CWC27: variants seen among roughly 807,000 people sequenced by gnomAD.
CWC27 encodes the protein CWC27 spliceosome associated cyclophilin, also known as spliceosome-associated protein CWC27 homolog.
In CWC27, 47 loss-of-function variants were observed where a neutral mutation model predicts 63.6. That is an observed-to-expected ratio of 0.74 (90% CI 0.58 to 0.94). The LOEUF is 0.94. Among genes scored for constraint, CWC27 ranks in the 40% least tolerant of loss-of-function variants. CWC27 has a pLI of 0.00. For synonymous variants in CWC27, 175 were observed against 179.8 expected, an observed-to-expected ratio of 0.97 and a Z score of 0.22; for missense variants, 495 against 554.3, an observed-to-expected ratio of 0.89 and a Z score of 1.07.
At chr5:64,780,670 A>G (rs1743645147) in intron 2 of CWC27, among the ~76,000 whole-genome samples, 1 of 133,876 alleles carries the variant, frequency 7.5e-6, no homozygotes, top group Admixed American at 8.2e-5. Context: ...AAACATATAT[A>G]TCACTTGTAT....
chr5:64,785,805 T>C (rs562706171), intron 5 of CWC27, among the ~76,000 whole-genome samples: 6 of 152,280 alleles, frequency 3.9e-5, no homozygotes, highest in African/African-American at 1.4e-4. Flanking sequence ...CTGAAAAGCT[T>C]ACCTCATAAT....
intron 10 of CWC27, among the ~76,000 whole-genome samples, chr5:64,829,621 C>A (rs1293751333): frequency 6.7e-6 from 1 of 149,656 alleles, no homozygotes; most frequent in African/African-American, 2.5e-5. Flanking sequence ...GAAGGAAAAT[C>A]ACTTTAATAC....
At chr5:64,940,541 C>T (rs570045477) in intron 11 of CWC27, among the ~76,000 whole-genome samples, 1 of 152,252 alleles carries the variant, frequency 6.6e-6, no homozygotes, top group South Asian at 2.1e-4. Context: ...AGCTGCAGAC[C>T]AGAGCTGTTC....
intron 10 of CWC27, among the ~76,000 whole-genome samples, chr5:64,849,268 A>G (rs2112294181): frequency 6.6e-6 from 1 of 152,268 alleles, no homozygotes; most frequent in Non-Finnish European, 1.5e-5. Context: ...GAATAAATTT[A>G]ACTATGAAGG....
At chr5:64,912,965 T>C (rs895341913) in intron 11 of CWC27, among the ~76,000 whole-genome samples, 1 of 152,132 alleles carries the variant, frequency 6.6e-6, no homozygotes, top group Non-Finnish European at 1.5e-5. Flanking sequence ...GGTAAAGATA[T>C]ATGAGAAAAT....
At chr5:64,779,420 C>T (rs932099059) in intron 2 of CWC27, among the ~76,000 whole-genome samples, 2 of 152,160 alleles carry the variant, frequency 1.3e-5, no homozygotes, top group Non-Finnish European at 2.9e-5. Flanking sequence ...GTACTTCATA[C>T]TACATATGTT....
intron 13 of CWC27, among the ~76,000 whole-genome samples, chr5:64,991,080 G>T (rs1749528653): frequency 6.6e-6 from 1 of 152,176 alleles, no homozygotes; most frequent in Non-Finnish European, 1.5e-5. Context: ...AAGGAAGAAG[G>T]TTTCTGCTTA....
intron 13 of CWC27, among the ~76,000 whole-genome samples, chr5:65,013,776 G>A (rs1461726064): frequency 6.6e-6 from 1 of 152,198 alleles, no homozygotes; most frequent in South Asian, 2.1e-4. Flanking sequence ...AAGTTCCTAA[G>A]TTAGGGTGGC....
intron 11 of CWC27, among the ~76,000 whole-genome samples, chr5:64,961,444 C>T (rs1012113977): frequency 1.3e-5 from 2 of 151,944 alleles, no homozygotes; most frequent in African/African-American, 2.4e-5. Context: ...TCATACATAA[C>T]TAATATATTT....
chr5:64,972,727 G>A (rs543625964), intron 12 of CWC27: 1 of 445,844 alleles, frequency 2.2e-6, no homozygotes, highest in South Asian at 1.6e-5. Context: ...TACTACCAGA[G>A]ATACTAAGGA....
intron 10 of CWC27, among the ~76,000 whole-genome samples, chr5:64,812,842 T>C (rs934706564): frequency 6.6e-6 from 1 of 152,118 alleles, no homozygotes; most frequent in African/African-American, 2.4e-5. Flanking sequence ...AACAATTAAT[T>C]ACAATTCAGT....
At chr5:64,776,068 CGAGAGAGAGAGAGAGA>C (rs70983650) in intron 2 of CWC27, among the ~76,000 whole-genome samples, 25,338 of 108,588 alleles carry the variant, frequency 0.23, 2,755 homozygotes, top group South Asian at 0.33. Flanking sequence ...AGGAGTGGAG[CGAGAGAGAGAGAGAGA>C]GAGAGAGAGA....
At chr5:64,937,921 C>CTTTTTTTTTTTTTTT (rs1211082437) in intron 11 of CWC27, among the ~76,000 whole-genome samples, 2 of 99,302 alleles carry the variant, frequency 2.0e-5, no homozygotes, top group Admixed American at 9.8e-5. Context: ...GCAATCTCTG[C>CTTTTTTTTTTTTTTT]TTTTTTTTTT....
At chr5:64,865,584 T>C (rs982257015) in intron 10 of CWC27, among the ~76,000 whole-genome samples, 1 of 152,076 alleles carries the variant, frequency 6.6e-6, no homozygotes, top group Non-Finnish European at 1.5e-5. Flanking sequence ...GATTGAATCA[T>C]TGGTTAATTT....
At chr5:64,926,431 GC>G (rs1748109021) in intron 11 of CWC27, among the ~76,000 whole-genome samples, 1 of 150,942 alleles carries the variant, frequency 6.6e-6, no homozygotes, top group Admixed American at 6.6e-5. Flanking sequence ...TTTTGCCCAG[GC>G]TTGCTTGCTG....
chr5:64,885,738 T>TGTGTGTGTGTGTG (rs60595588), intron 11 of CWC27, among the ~76,000 whole-genome samples, 192 bp downstream of exon 11: 44 of 141,462 alleles, frequency 3.1e-4, no homozygotes, highest in South Asian at 4.3e-4. Flanking sequence ...TGTGTGTGTG[T>TGTGTGTGTGTGTG]TTTTAATACT....
chr5:64,895,789 A>G (rs895094583), intron 11 of CWC27, among the ~76,000 whole-genome samples: 5 of 152,218 alleles, frequency 3.3e-5, no homozygotes, highest in African/African-American at 1.2e-4. Context: ...AATAGTTAAC[A>G]TTAAAAACTT....
At chr5:64,982,974 G>A (rs766105393) in intron 13 of CWC27, among the ~76,000 whole-genome samples, 16 of 152,154 alleles carry the variant, frequency 1.1e-4, no homozygotes, top group Non-Finnish European at 1.9e-4. Context: ...ACACCTGCGA[G>A]GGATCTAGGT....
intron 10 of CWC27, among the ~76,000 whole-genome samples, chr5:64,884,517 G>A (rs539289158): frequency 1.3e-5 from 2 of 152,332 alleles, no homozygotes; most frequent in South Asian, 2.1e-4. Flanking sequence ...TAATTATCTA[G>A]ACTTCAGATT....
Sources: gnomAD v4.1 joint callset for allele counts (sites outside exome capture counted in the v4.1 genomes callset) on GRCh38, gnomAD v4.1.1 for gene constraint, MANE v1.5 for transcripts, NCBI Gene and HGNC (gene_info 2026-07-23, HGNC 2026-07-21) for gene names.